RAI1: variants seen among roughly 807,000 people sequenced by gnomAD.
RAI1 encodes the protein retinoic acid-induced protein 1.
A neutral mutation model predicts 123.8 loss-of-function variants in RAI1; 9 were observed. The ratio of observed to expected loss-of-function variants is 0.07; its 90% CI spans 0.04 to 0.13. The LOEUF is 0.13. Among genes scored for constraint, RAI1 ranks in the 10% least tolerant of loss-of-function variants. The pLI, the probability that RAI1 is intolerant of heterozygous loss-of-function variation, is 1.00. For synonymous variants in RAI1, 1,231 were observed against 1,127.3 expected (o/e 1.09, Z -1.84); for missense variants, 2,256 against 2,545.8 (o/e 0.89, Z 2.45).
chr17:17,716,811 C>T (rs946944806), intron 1 of RAI1, among the ~76,000 whole-genome samples: 6 of 152,184 alleles, frequency 3.9e-5, no homozygotes, highest in Non-Finnish European at 7.3e-5. Flanking sequence ...ACCACGGCCC[C>T]GTGGGCTTAG....
chr17:17,708,155 C>T (rs1390381448), intron 1 of RAI1, among the ~76,000 whole-genome samples: 2 of 152,204 alleles, frequency 1.3e-5, no homozygotes, highest in African/African-American at 2.4e-5. Context: ...CCTCCTTCCT[C>T]CTGCTGCCAC....
intron 1 of RAI1, among the ~76,000 whole-genome samples, chr17:17,697,880 C>T (rs1419624111): frequency 1.3e-5 from 2 of 152,136 alleles, no homozygotes; most frequent in Non-Finnish European, 2.9e-5. Context: ...TGTGTGTGGC[C>T]GAGTAGCTGT....
In RAI1 at chr17:17,796,912, C is replaced by T; in HGVS notation, c.3964C>T (p.Arg1322Trp). ...CATGAAGACCAAGGTGCTGCCACCC[C>T]GGAAGGGCCGGGGCCTGAAGCTGGA... ...GAMKTKVLPP[R>W]KGRGLKLEAI... Residue 1322 changes from arginine (R) to tryptophan (W), a missense_variant, in exon 3 of 6, where the codon CGG (arginine) becomes TGG (tryptophan). By Grantham distance (101) the Arg-to-Trp change is moderately radical. Coordinates refer to ENST00000353383, the MANE Select transcript of RAI1 (RefSeq NM_030665.4). This position sits in a 1 kb window ranked among gnomAD's most constrained non-coding sequence, Gnocchi z 5.8. The T allele has an allele frequency of 6.2e-7, 1 of 1,613,400 alleles. No individual in the cohort carries two copies. Among genetic ancestry groups the T allele is most frequent in the Non-Finnish European group, 8.5e-7 (1 of 1,180,034 alleles).
chr17:17,784,620 G>A (rs759989595), intron 2 of RAI1, among the ~76,000 whole-genome samples: 2 of 152,198 alleles, frequency 1.3e-5, no homozygotes, highest in African/African-American at 4.8e-5. Context: ...CCAGGAGAGG[G>A]GGGGTGTAGG....
chr17:17,763,782 A>G (rs2030805901), intron 2 of RAI1, among the ~76,000 whole-genome samples: 1 of 152,234 alleles, frequency 6.6e-6, no homozygotes, highest in South Asian at 2.1e-4. Flanking sequence ...GTACTCCTCA[A>G]GATAGGCTGG....
chr17:17,681,941 C>CG lies in RAI1; in HGVS notation c.-149+152dup, dbSNP rs1225773647. 4 of 228,082 alleles carry CG rather than the reference C, an allele frequency of 1.8e-5. No homozygotes were observed. In the East Asian group the frequency reaches 2.4e-4, roughly 14 times the overall value. 14.1% of individuals were successfully genotyped at this position (228,082 alleles called of 1,614,324 possible). On this transcript the variant is annotated intron_variant, in intron 1 of 5. Coordinates refer to ENST00000353383, the MANE Select transcript of RAI1 (RefSeq NM_030665.4). ...GCGCTGGGTGGAGATGTGGGGTCCG[C>CG]GGGGTCCTTGCTTTGTGTGGTGTGG...
chr17:17,696,633 C>T (rs1017810902), intron 1 of RAI1, among the ~76,000 whole-genome samples: 1 of 152,212 alleles, frequency 6.6e-6, no homozygotes, highest in African/African-American at 2.4e-5. Flanking sequence ...CTACCTGTAG[C>T]CCCCCGACAG....
intron 3 of RAI1, among the ~76,000 whole-genome samples, chr17:17,803,453 G>C (rs983902557): frequency 2.6e-5 from 4 of 152,054 alleles, no homozygotes; most frequent in African/African-American, 9.7e-5. Context: ...AGTACAGGCA[G>C]TGGCGTCATC....
In RAI1 at chr17:17,775,201, A is replaced by ATAT. The variant is rs779126226; in HGVS notation, c.-16-17731_-16-17730insATT. On this transcript the variant is annotated intron_variant, in intron 2 of 5. Transcript: ENST00000353383. Reference sequence around the variant, plus strand: ...CCACACAGCTGAAAATTCATGTGTAATTTTTTTTTTTTTTTTTTTTGAGAC... The same window carrying ATAT: ...CCACACAGCTGAAAATTCATGTGTAATATTTTTTTTTTTTTTTTTTTTTGAGAC... Among the ~76,000 whole-genome samples the ATAT allele has an allele frequency of 6.9e-3, 853 of 123,426 alleles. 10 individuals are homozygous for ATAT. The highest frequency in any genetic ancestry group is 0.026 in the African/African-American group (794 of 30,684). The allele number at this position is 123,426 out of a possible 152,430, so 81.0% of individuals were successfully genotyped here.
chr17:17,803,646 A>T, intron 3 of RAI1, 110 bp from the exon 4 acceptor site: 1 of 1,026,536 alleles, frequency 9.7e-7, no homozygotes, highest in Non-Finnish European at 1.5e-6. Flanking sequence ...TTGGCCTCCC[A>T]GAGTGCTGGG....
chr17:17,698,067 C>T (rs1180970695), intron 1 of RAI1, among the ~76,000 whole-genome samples: 5 of 152,204 alleles, frequency 3.3e-5, no homozygotes, highest in Non-Finnish European at 4.4e-5. Flanking sequence ...CCCTGCAGTC[C>T]AGAGACTAGA....
chr17:17,721,544 G>A (rs552508098), intron 1 of RAI1, among the ~76,000 whole-genome samples: 2 of 152,326 alleles, frequency 1.3e-5, no homozygotes, highest in Admixed American at 1.3e-4. Context: ...ACTGAGGGCA[G>A]GAGTTGGTGG....
chr17:17,697,659 C>T (rs1011252609), intron 1 of RAI1, among the ~76,000 whole-genome samples: 8 of 152,088 alleles, frequency 5.3e-5, no homozygotes, highest in African/African-American at 1.9e-4. Context: ...TGTTCCTGAG[C>T]TTGGGGATTG....
rs889706395 is a variant in RAI1 at position 17,796,090 on chromosome 17, G to T, written c.3142G>T (p.Ala1048Ser). 11 of 1,580,718 alleles carry T rather than the reference G, an allele frequency of 7.0e-6. No individual in the cohort carries two copies. In the African/African-American group the frequency reaches 1.5e-4, roughly 21 times the overall value. ...MEGAGAPGRG[A>S]SEGLPRMCTR... ...AGGGGCTGGAGCCCCAGGCCGGGGG[G>T]CCTCGGAAGGGCTCCCCAGGATGTG... The change falls in exon 3 of 6, where the codon GCC (alanine) becomes TCC (serine). Residue 1048 changes from alanine to serine, a missense_variant. Physicochemically the swap from Ala to Ser is moderately conservative, Grantham distance 99 (BLOSUM62 1). Coordinates refer to ENST00000353383, the MANE Select transcript of RAI1 (RefSeq NM_030665.4). The surrounding 1 kb of genome is among the most constrained non-coding windows in gnomAD (Gnocchi z 5.8).
intron 1 of RAI1, among the ~76,000 whole-genome samples, chr17:17,721,674 G>T (rs1915885932): frequency 6.6e-6 from 1 of 152,208 alleles, no homozygotes; most frequent in Non-Finnish European, 1.5e-5. Context: ...GCGGGCATTT[G>T]GGCTTTTCCG....
chr17:17,693,842 G>C (rs1163544993), intron 1 of RAI1, among the ~76,000 whole-genome samples: 1 of 152,210 alleles, frequency 6.6e-6, no homozygotes. Context: ...ATCGGCGGCT[G>C]GACCAGCCCG....
chr17:17,682,074 G>A (rs1022584491), intron 1 of RAI1, among the ~76,000 whole-genome samples: 4 of 151,636 alleles, frequency 2.6e-5, no homozygotes, highest in African/African-American at 7.2e-5. Context: ...GAGGTCGGGT[G>A]GGGGCATGGG....
At position 17,795,879 on chromosome 17, in the gene RAI1, C is replaced by A. The variant is rs754379238; in HGVS notation, c.2931C>A (p.Asn977Lys). The A allele has an allele frequency of 1.9e-5, 30 of 1,612,466 alleles. No homozygotes were observed. Among genetic ancestry groups the A allele is most frequent in the Non-Finnish European group, 2.5e-5 (29 of 1,179,996 alleles). Residue 977 changes from asparagine (N) to lysine (K), a missense_variant, in exon 3 of 6, where the codon AAC (asparagine) becomes AAA (lysine). Asn to Lys is a moderately conservative substitution (Grantham distance 94, BLOSUM62 0). Around this residue, in one of 7 missense-constraint regions of RAI1, gnomAD observed 566 missense variants for 616.0 expected, o/e 0.92. Transcript: ENST00000353383. The surrounding 1 kb of genome is among the most constrained non-coding windows in gnomAD (Gnocchi z 5.9). Reference sequence around the variant, plus strand: ...ACGCCTCTCTGGCCCAGAAGCCCAACAAGCCTGCTGTGCCCGAGGCGCCCA... The same window carrying A: ...ACGCCTCTCTGGCCCAGAAGCCCAAAAAGCCTGCTGTGCCCGAGGCGCCCA... Reference protein sequence around the residue: ...TSDASLAQKPNKPAVPEAPIA... With the variant: ...TSDASLAQKPKKPAVPEAPIA...
At position 17,806,413 on chromosome 17, in the gene RAI1, G is replaced by A. The variant is rs559111430; in HGVS notation, c.5659+2564G>A. On this transcript the variant is annotated intron_variant, in intron 4 of 5. Coordinates refer to ENST00000353383, the MANE Select transcript of RAI1 (RefSeq NM_030665.4). ...GCTGCAAATGGAGACATACACCTCAGAGACTGAGTTGGCACAGAATCCATG... is the reference window on the plus strand; with the variant it reads ...GCTGCAAATGGAGACATACACCTCAAAGACTGAGTTGGCACAGAATCCATG... Among the ~76,000 whole-genome samples, 223 of 152,376 alleles carry A rather than the reference G, an allele frequency of 1.5e-3. 1 individual carries two copies. The highest frequency in any genetic ancestry group is 2.7e-3 in the Non-Finnish European group (184 of 68,034).
Sources: allele counts gnomAD v4.1 joint callset (sites outside exome capture counted in the v4.1 genomes callset), GRCh38; gene constraint gnomAD v4.1.1; regional missense constraint gnomAD v4.1.1; non-coding constraint Gnocchi (gnomAD v3.1); transcripts MANE v1.5; gene names NCBI Gene and HGNC (gene_info 2026-07-23, HGNC 2026-07-21).